The following CDH6 variants were observed in gnomAD, a reference collection of about 807,000 sequenced individuals.
CDH6 encodes cadherin 6.
In CDH6, 31 loss-of-function variants were observed where a neutral mutation model predicts 78.0. The ratio of observed to expected loss-of-function variants is 0.40; its 90% CI spans 0.30 to 0.54. The LOEUF is 0.54. Ranked by LOEUF, CDH6 falls within the 20% of genes least tolerant of loss-of-function variation. The pLI, the probability that CDH6 is intolerant of heterozygous loss-of-function variation, is 0.56. For missense variants in CDH6, 724 were observed against 975.9 expected (o/e 0.74, Z 3.44); for synonymous variants, 376 against 368.8 (o/e 1.02, Z -0.23).
intron 2 of CDH6, among the ~76,000 whole-genome samples, chr5:31,277,750 G>T (rs1742740267): frequency 6.6e-6 from 1 of 152,074 alleles, no homozygotes; most frequent in African/African-American, 2.4e-5. Flanking sequence ...ACCCAGTAGT[G>T]CCTAGCACAT....
At chr5:31,265,401 C>G (rs1334883683) in intron 1 of CDH6, among the ~76,000 whole-genome samples, 1 of 152,188 alleles carries the variant, frequency 6.6e-6, no homozygotes, top group South Asian at 2.1e-4. Context: ...ACAACTTCCC[C>G]AGCCTGCTGT....
chr5:31,270,768 C>T (rs1459086366), intron 2 of CDH6, among the ~76,000 whole-genome samples: 3 of 152,022 alleles, frequency 2.0e-5, no homozygotes, highest in African/African-American at 7.3e-5. Context: ...GCAGTCTCCG[C>T]TTACTGCAGC....
chr5:31,295,266 T>G (rs970405235), intron 3 of CDH6, among the ~76,000 whole-genome samples: 3 of 152,124 alleles, frequency 2.0e-5, no homozygotes, highest in South Asian at 2.1e-4. Flanking sequence ...TTGTTTTTTC[T>G]TCTTCTTCTT....
At chr5:31,266,206 C>T (rs754769857) in intron 1 of CDH6, among the ~76,000 whole-genome samples, 5 of 151,918 alleles carry the variant, frequency 3.3e-5, no homozygotes, top group African/African-American at 4.8e-5. Flanking sequence ...ACTAGTAAAC[C>T]AATTTGGGAC....
rs183077190 is a variant in CDH6 at position 31,297,467 on chromosome 5, A to G, written c.643+59A>G. The G allele has an allele frequency of 7.8e-6, 10 of 1,277,822 alleles. No homozygotes were observed. The African/African-American group carries it at 1.5e-4, about 19-fold the overall frequency. 79.2% of individuals were successfully genotyped at this position (1,277,822 alleles called of 1,614,324 possible). ...TAATTTTAATTGACATGCTCAGCTGAGCTAGCATATTTTTAATAAAAATAA... is the reference window on the plus strand; with the variant it reads ...TAATTTTAATTGACATGCTCAGCTGGGCTAGCATATTTTTAATAAAAATAA... On this transcript the variant is annotated intron_variant, in intron 4 of 11. Transcript: ENST00000265071.
Position 31,199,805 on chromosome 5 carries a change from A to C in CDH6, c.-129+5919A>C, listed in dbSNP as rs1265203476. On this transcript the variant is annotated intron_variant, in intron 1 of 11. Transcript: ENST00000265071. ...GATAATAAATAATAAACTAACCTTT[A>C]CTGAGCTTTTCTATGTCACACCCTC... is the stretch of plus-strand genomic sequence containing the variant. Among the ~76,000 whole-genome samples, 3 of 150,920 alleles carry C rather than the reference A, an allele frequency of 2.0e-5. No individual in the cohort carries two copies. The East Asian group carries it at 5.9e-4, about 30-fold the overall frequency.
chr5:31,229,769 G>A (rs954263656), intron 1 of CDH6, among the ~76,000 whole-genome samples: 1 of 152,200 alleles, frequency 6.6e-6, no homozygotes, highest in African/African-American at 2.4e-5. Context: ...AACATAGGAA[G>A]AAGTTTTGTG....
At chr5:31,295,823 A>G (rs1051153446) in intron 3 of CDH6, among the ~76,000 whole-genome samples, 11 of 152,218 alleles carry the variant, frequency 7.2e-5, no homozygotes, top group Admixed American at 4.6e-4. Context: ...CCAAAGGGCT[A>G]TCATGAGGAT....
chr5:31,305,470 C>A lies in CDH6; in HGVS notation c.1253+43C>A. 2.5e-6 allele frequency: 4 copies of A among 1,570,074 alleles called. No homozygotes were observed. The South Asian group carries it at 3.5e-5, about 14-fold the overall frequency. ...ACATGTCTCTTTCATAAGCTTCAGT[C>A]AATTTATATTCAAATATCTGCCTGC... On this transcript the variant is annotated intron_variant, in intron 7 of 11. Transcript: ENST00000265071.
chr5:31,216,428 A>G (rs966507486), intron 1 of CDH6, among the ~76,000 whole-genome samples: 2 of 152,014 alleles, frequency 1.3e-5, no homozygotes, highest in Admixed American at 6.6e-5. Flanking sequence ...TATGATATAT[A>G]CTGTATTACA....
intron 1 of CDH6, among the ~76,000 whole-genome samples, chr5:31,233,299 C>T (rs1422901393): frequency 2.0e-5 from 3 of 150,882 alleles, no homozygotes; most frequent in Non-Finnish European, 2.9e-5. Context: ...GCTTTAAAAA[C>T]TTTACTTATC....
intron 1 of CDH6, among the ~76,000 whole-genome samples, chr5:31,209,853 T>C (rs890782324): frequency 6.6e-6 from 1 of 152,098 alleles, no homozygotes; most frequent in Non-Finnish European, 1.5e-5. Flanking sequence ...GAGTCGAAGA[T>C]GGTTGCTGGT....
intron 2 of CDH6, among the ~76,000 whole-genome samples, chr5:31,286,158 T>A (rs774547568): frequency 1.3e-5 from 2 of 152,206 alleles, no homozygotes; most frequent in African/African-American, 2.4e-5. Flanking sequence ...TCATTGACTA[T>A]TAGTGTCTAT....
At position 31,211,371 on chromosome 5, in the gene CDH6, C is replaced by G. The variant is rs1002864815; in HGVS notation, c.-129+17485C>G. 3.6e-4 allele frequency among the ~76,000 whole-genome samples: 53 copies of G among 148,148 alleles called. 1 individual carries two copies. Among genetic ancestry groups the G allele is most frequent in the African/African-American group, 1.3e-3 (53 of 40,002 alleles). On this transcript the variant is annotated intron_variant, in intron 1 of 11. Transcript: ENST00000265071. ...AGAAAGTTTTTGCCTTTAGCTCTTTCCTAACCACTAGAGCTTTAAGAAACT... is the reference window on the plus strand; with the variant it reads ...AGAAAGTTTTTGCCTTTAGCTCTTTGCTAACCACTAGAGCTTTAAGAAACT...
intron 1 of CDH6, among the ~76,000 whole-genome samples, chr5:31,236,908 G>C (rs1315568627): frequency 1.3e-5 from 2 of 152,076 alleles, no homozygotes; most frequent in Non-Finnish European, 2.9e-5. Context: ...AGATGCTTGG[G>C]GAGTGCTGTG....
chr5:31,278,404 A>G (rs1391043137), intron 2 of CDH6, among the ~76,000 whole-genome samples: 5 of 152,216 alleles, frequency 3.3e-5, no homozygotes, highest in Admixed American at 3.3e-4. Flanking sequence ...AACAAGAAAA[A>G]TAAGAAAAGA....
At chr5:31,258,117 C>T (rs1454167343) in intron 1 of CDH6, among the ~76,000 whole-genome samples, 2 of 152,096 alleles carry the variant, frequency 1.3e-5, no homozygotes, top group Non-Finnish European at 2.9e-5. Flanking sequence ...TACCATTTGA[C>T]CCAGCAATCT....
At chr5:31,302,886 G>GGAAGGAAAGAAAGAAAGAAA (rs1339286077) in intron 6 of CDH6, among the ~76,000 whole-genome samples, 1 of 64,322 alleles carries the variant, frequency 1.6e-5, no homozygotes, top group South Asian at 4.9e-4. Flanking sequence ...AAGGAAGGAA[G>GGAAGGAAAGAAAGAAAGAAA]GAAAGAAAGA....
At chr5:31,249,388 A>C (rs577284558) in intron 1 of CDH6, 1 of 152,194 alleles carries the variant, frequency 6.6e-6, no homozygotes, top group Non-Finnish European at 1.5e-5. Context: ...TTCCCCTCAC[A>C]TGTCATTCCA....
Sources: gnomAD v4.1 joint callset for allele counts (sites outside exome capture counted in the v4.1 genomes callset) on GRCh38, gnomAD v4.1.1 for gene constraint, MANE v1.5 for transcripts, NCBI Gene and HGNC (gene_info 2026-07-23, HGNC 2026-07-21) for gene names.